The following SGPP2 variants were observed in gnomAD, a reference collection of about 807,000 sequenced individuals.
SGPP2 encodes the protein sphingosine-1-phosphate phosphatase 2.
SGPP2 carries 30 observed loss-of-function variants against 33.9 expected under a neutral mutation model. That is an observed-to-expected ratio of 0.89 (90% CI 0.66 to 1.20). SGPP2 has a LOEUF of 1.20. Among genes scored for constraint, SGPP2 ranks in the 50% most tolerant of loss-of-function variants. The probability of loss-of-function intolerance (pLI) is 0.00; values close to 1 mark genes in which losing one functional copy is unlikely to be tolerated. For synonymous variants in SGPP2, 233 were observed against 225.0 expected (o/e 1.04, Z -0.32); for missense variants, 458 against 532.1 (o/e 0.86, Z 1.37).
At chr2:222,552,557 A>C (rs1689311988) in intron 4 of SGPP2, among the ~76,000 whole-genome samples, 1 of 152,116 alleles carries the variant, frequency 6.6e-6, no homozygotes, top group African/African-American at 2.4e-5. Flanking sequence ...AATCTCACAA[A>C]TCATCACTAG....
At chr2:222,544,072 A>G (rs1268577405) in intron 4 of SGPP2, among the ~76,000 whole-genome samples, 1 of 152,182 alleles carries the variant, frequency 6.6e-6, no homozygotes, top group African/African-American at 2.4e-5. Flanking sequence ...TGATCTGCTA[A>G]GTGCCATTCT....
Position 222,476,116 on chromosome 2 carries a change from T to G in SGPP2, c.378+1390T>G, listed in dbSNP as rs1362222361. 6.6e-6 allele frequency among the ~76,000 whole-genome samples: 1 copy of G among 152,214 alleles called. No homozygotes were observed. Among genetic ancestry groups the G allele is most frequent in the Non-Finnish European group, 1.5e-5 (1 of 68,024 alleles). On this transcript the variant is annotated intron_variant, in intron 2 of 4. Coordinates refer to ENST00000321276, the MANE Select transcript of SGPP2 (RefSeq NM_152386.4). This position sits in a 1 kb window ranked among gnomAD's most constrained non-coding sequence, Gnocchi z 4.3. ...AGACTGTTGCCCTGACTCAAGATTC[T>G]GCACTAGAAATAGAGGTTCAGAAGC...
intron 1 of SGPP2, among the ~76,000 whole-genome samples, chr2:222,452,126 A>G (rs756116578): frequency 1.3e-5 from 2 of 152,136 alleles, no homozygotes; most frequent in Non-Finnish European, 2.9e-5. Context: ...CTACTTATCT[A>G]TAGCCAGAGA....
chr2:222,547,222 C>T (rs1454519150), intron 4 of SGPP2, among the ~76,000 whole-genome samples: 2 of 152,132 alleles, frequency 1.3e-5, no homozygotes, highest in East Asian at 1.9e-4. Context: ...TGAGCAAAAT[C>T]GCTTGAATGT....
At chr2:222,446,717 TGTG>T (rs1246493289) in intron 1 of SGPP2, among the ~76,000 whole-genome samples, 13 of 152,354 alleles carry the variant, frequency 8.5e-5, no homozygotes, top group African/African-American at 3.1e-4. Flanking sequence ...AAATATTTAA[TGTG>T]GATATCCTTA....
intron 2 of SGPP2, among the ~76,000 whole-genome samples, chr2:222,494,642 C>T (rs1475464464): frequency 6.6e-6 from 1 of 152,172 alleles, no homozygotes; most frequent in East Asian, 1.9e-4. Context: ...TCCACAGTCA[C>T]ATACGTATCC....
intron 2 of SGPP2, among the ~76,000 whole-genome samples, chr2:222,517,236 G>A (rs1430653617): frequency 2.0e-5 from 3 of 152,162 alleles, no homozygotes; most frequent in Non-Finnish European, 2.9e-5. Flanking sequence ...AATAGGAACA[G>A]GCATTCCTGT....
At chr2:222,525,418 A>T (rs1327296729) in intron 4 of SGPP2, among the ~76,000 whole-genome samples, 1 of 152,120 alleles carries the variant, frequency 6.6e-6, no homozygotes, top group African/African-American at 2.4e-5. Context: ...AGGGGCCTGA[A>T]ATCAGGGGTC....
At chr2:222,467,521 G>T (rs142645157) in intron 1 of SGPP2, among the ~76,000 whole-genome samples, 1 of 152,238 alleles carries the variant, frequency 6.6e-6, no homozygotes, top group East Asian at 1.9e-4. Flanking sequence ...TCCGGGTAGG[G>T]AGCATAGGTA....
At chr2:222,472,080 G>A (rs16863738) in intron 1 of SGPP2, among the ~76,000 whole-genome samples, 13,965 of 152,122 alleles carry the variant, frequency 0.092, 681 homozygotes, top group East Asian at 0.11. Context: ...TCTGCTAAGC[G>A]TTTCTCACAC....
chr2:222,486,037 GC>G, intron 2 of SGPP2, among the ~76,000 whole-genome samples: 1 of 152,220 alleles, frequency 6.6e-6, no homozygotes, highest in Admixed American at 6.5e-5. Context: ...TAGTTAGAGG[GC>G]CCGGCCTCAG....
chr2:222,466,389 G>T (rs1409521309), intron 1 of SGPP2, among the ~76,000 whole-genome samples: 1 of 151,034 alleles, frequency 6.6e-6, no homozygotes, highest in Non-Finnish European at 1.5e-5. Flanking sequence ...CTCCCAAGTA[G>T]CTGGGACTAC....
intron 1 of SGPP2, among the ~76,000 whole-genome samples, chr2:222,427,130 G>A (rs1697082704): frequency 1.3e-5 from 2 of 152,156 alleles, no homozygotes; most frequent in Non-Finnish European, 2.9e-5. Flanking sequence ...CCCCTCCAGA[G>A]GATGATAAAC....
chr2:222,543,408 G>C (rs962781894), intron 4 of SGPP2, among the ~76,000 whole-genome samples: 8 of 152,134 alleles, frequency 5.3e-5, no homozygotes, highest in African/African-American at 1.9e-4. Flanking sequence ...ACCCTCAAAG[G>C]ATGTCTGAAA....
intron 1 of SGPP2, among the ~76,000 whole-genome samples, chr2:222,436,707 C>T (rs1257963258): frequency 6.6e-6 from 1 of 152,196 alleles, no homozygotes; most frequent in African/African-American, 2.4e-5. Context: ...CTTGGCAGAA[C>T]ATTGCGTGCA....
rs776444145 is a variant in SGPP2 at position 222,477,783 on chromosome 2, G to A, written c.378+3057G>A. On this transcript the variant is annotated intron_variant, in intron 2 of 4. Coordinates refer to ENST00000321276, the MANE Select transcript of SGPP2 (RefSeq NM_152386.4). This position sits in a 1 kb window ranked among gnomAD's most constrained non-coding sequence, Gnocchi z 6.0. ...CCTCTAGACTCTATAGAAGGCTGTGGCTAGGGGACACTCTCGTTGCCATTA... is the reference window on the plus strand; with the variant it reads ...CCTCTAGACTCTATAGAAGGCTGTGACTAGGGGACACTCTCGTTGCCATTA... Among the ~76,000 whole-genome samples the A allele has an allele frequency of 2.0e-5, 3 of 152,114 alleles. No homozygotes were observed. The highest frequency in any genetic ancestry group is 4.8e-5 in the African/African-American group (2 of 41,384).
intron 1 of SGPP2, among the ~76,000 whole-genome samples, chr2:222,444,449 A>T (rs1266422414): frequency 6.6e-6 from 1 of 152,192 alleles, no homozygotes; most frequent in African/African-American, 2.4e-5. Flanking sequence ...CTTATTCTGA[A>T]ATAACACTAC....
chr2:222,474,808 T>C (rs1697905012), intron 2 of SGPP2, 82 bp downstream of exon 2: 1 of 1,117,770 alleles, frequency 8.9e-7, no homozygotes, highest in East Asian at 2.7e-5. Flanking sequence ...TGCAAATATG[T>C]TCTTTCTTTT....
chr2:222,499,651 G>GGGAAAGACAGTCTTTCTGA (rs1056711147), intron 2 of SGPP2, among the ~76,000 whole-genome samples: 3 of 152,124 alleles, frequency 2.0e-5, no homozygotes, highest in Non-Finnish European at 4.4e-5. Context: ...GGGGCATTGG[G>GGGAAAGACAGTCTTTCTGA]GGAAAGACAG....
Sources: gnomAD v4.1 joint callset for allele counts (sites outside exome capture counted in the v4.1 genomes callset) on GRCh38, gnomAD v4.1.1 for gene constraint, Gnocchi (gnomAD v3.1) non-coding constraint, MANE v1.5 for transcripts, NCBI Gene and HGNC (gene_info 2026-07-23, HGNC 2026-07-21) for gene names.